Variants in DGKK observed in about 807,000 individuals in gnomAD.
DGKK encodes the protein 142 kDa diacylglycerol kinase.
A neutral mutation model predicts 92.2 loss-of-function variants in DGKK; 35 were observed. The observed-to-expected ratio is 0.38, with a 90% CI of 0.29 to 0.50. The LOEUF (loss-of-function observed/expected upper bound fraction) is 0.50. Ranked by LOEUF, DGKK falls within the 20% of genes least tolerant of loss-of-function variation. The pLI is 0.92. For missense variants in DGKK, 910 were observed against 992.2 expected, an observed-to-expected ratio of 0.92 and a Z score of 1.11; for synonymous variants, 368 against 360.6, an observed-to-expected ratio of 1.02 and a Z score of -0.23.
intron 1 of DGKK, among the ~76,000 whole-genome samples, chrX:50,466,010 CTTTTTTCTTTTTT>C (rs1359836006): frequency 1.5e-3 from 89 of 58,317 alleles, no homozygotes; most frequent in South Asian, 3.0e-3. Context: ...TTTTCTTTTT[CTTTTTTCTTTTTT>C]TTTTTTTTTT....
At chrX:50,399,084 T>C (rs1442811918) in intron 8 of DGKK, among the ~76,000 whole-genome samples, 1 of 112,294 alleles carries the variant, frequency 8.9e-6, no homozygotes, top group African/African-American at 3.2e-5. Context: ...CATGTATACC[T>C]GAGTGAAATT....
intron 13 of DGKK, 89 bp from the exon 14 acceptor site, chrX:50,387,742 C>G: frequency 1.7e-6 from 1 of 586,207 alleles, no homozygotes; most frequent in Non-Finnish European, 2.7e-6. Context: ...CATCCTCCTC[C>G]TCTCTCTCTT....
At chrX:50,414,835 A>G (rs782103857) in intron 4 of DGKK, among the ~76,000 whole-genome samples, 5 of 112,281 alleles carry the variant, frequency 4.5e-5, no homozygotes, top group Non-Finnish European at 9.4e-5. Flanking sequence ...GGATTATAGT[A>G]GCAGAACCAC....
At chrX:50,426,445 C>T (rs899525102) in intron 1 of DGKK, among the ~76,000 whole-genome samples, 7 of 112,027 alleles carry the variant, frequency 6.2e-5, no homozygotes, top group African/African-American at 2.3e-4. Flanking sequence ...ATTTGATAAG[C>T]TCTTTAATGA....
At chrX:50,384,911 G>C in intron 15 of DGKK, 87 bp from the exon 16 acceptor site, 8 of 643,885 alleles carry the variant, frequency 1.2e-5, no homozygotes, top group South Asian at 2.9e-5. Context: ...TGGAAGGAAG[G>C]AAAGATTAAT....
At chrX:50,410,734 G>A (rs1279381608) in intron 4 of DGKK, among the ~76,000 whole-genome samples, 3 of 111,635 alleles carry the variant, frequency 2.7e-5, no homozygotes, top group East Asian at 2.8e-4. Context: ...TGACTATGCC[G>A]CTTCCCCCTC....
At chrX:50,421,539 A>G (rs1925587985) in intron 3 of DGKK, among the ~76,000 whole-genome samples, 1 of 111,735 alleles carries the variant, frequency 8.9e-6, no homozygotes. Flanking sequence ...CCTAGCCTTT[A>G]TGATTTCTTT....
In DGKK at chrX:50,365,827, C is replaced by A. The variant is rs1254716145; in HGVS notation, c.*3113G>T. 1 of 111,773 alleles carries A rather than the reference C, an allele frequency of 8.9e-6. No individual in the cohort carries two copies. The highest frequency in any genetic ancestry group is 3.3e-5 in the African/African-American group (1 of 30,711). 9.2% of individuals were successfully genotyped at this position (111,773 alleles called of 1,213,427 possible). On this transcript the variant is annotated 3_prime_UTR_variant, in exon 28 of 28. Transcript: ENST00000611977. Reference sequence around the variant, plus strand: ...AAGATGACGTTGACCCTGACTGTTTCTTCTGGCCCAGTTTTATTAAGGTAA... The same window carrying A: ...AAGATGACGTTGACCCTGACTGTTTATTCTGGCCCAGTTTTATTAAGGTAA...
intron 24 of DGKK, among the ~76,000 whole-genome samples, chrX:50,375,654 C>T (rs1174771868): frequency 8.9e-6 from 1 of 111,899 alleles, no homozygotes; most frequent in Non-Finnish European, 1.9e-5. Context: ...CCGAGGCACC[C>T]GGAAGTTCTA....
In DGKK at chrX:50,366,073, G is replaced by C. The variant is rs1243831632; in HGVS notation, c.*2867C>G. 1 of 111,690 alleles carries C rather than the reference G, an allele frequency of 9.0e-6. No individual in the cohort carries two copies. Among genetic ancestry groups the C allele is most frequent in the Admixed American group, 9.5e-5 (1 of 10,515 alleles). The allele number at this position is 111,690 out of a possible 1,213,427, so 9.2% of individuals were successfully genotyped here. Reference sequence around the variant, plus strand: ...CTACCAAAGATACAACCAAACCCTAGAGCTTTGGGTCTTAATGATGTCTGA... The same window carrying C: ...CTACCAAAGATACAACCAAACCCTACAGCTTTGGGTCTTAATGATGTCTGA... On this transcript the variant is annotated 3_prime_UTR_variant, in exon 28 of 28. Coordinates refer to ENST00000611977, the MANE Select transcript of DGKK (RefSeq NM_001013742.4).
At position 50,380,091 on chromosome X, in the gene DGKK, A is replaced by G. The variant is rs1421855837; in HGVS notation, c.2658-14T>C. On this transcript the variant is annotated splice_polypyrimidine_tract_variant and intron_variant, in intron 18 of 27. Transcript: ENST00000611977. ...TTAAGGCGGCTACTACATGGAGGTA[A>G]GCATTAAGAAAGCAGAGGGTGAATG... The G allele has an allele frequency of 6.9e-6, 8 of 1,159,211 alleles. No individual in the cohort carries two copies. Among genetic ancestry groups the G allele is most frequent in the Non-Finnish European group, 9.4e-6 (8 of 849,480 alleles).
chrX:50,407,805 G>T (rs1186022896), intron 4 of DGKK, among the ~76,000 whole-genome samples: 2 of 112,143 alleles, frequency 1.8e-5, no homozygotes. Context: ...GGGTGTGTCT[G>T]GACAAACTTT....
chrX:50,392,341 C>A lies in DGKK; in HGVS notation c.1704G>T (p.Lys568Asn). 8.3e-7 allele frequency: 1 copy of A among 1,200,517 alleles called. No individual in the cohort carries two copies. The highest frequency in any genetic ancestry group is 1.8e-5 in the South Asian group (1 of 56,604). ...SLIDAFGLHE[K>N]CQLAVIPLGT... ...TAAACTGAGTCATCCAGGGACTTAC[C>A]TTTTCATGTAATCCAAAGGCATCAA... The change falls in exon 10 of 28, where the codon AAG becomes AAT. Residue 568 changes from lysine to asparagine, a missense_variant and splice_region_variant. By Grantham distance (94) the Lys-to-Asn change is moderately conservative (BLOSUM62 0). Transcript: ENST00000611977.
chrX:50,422,636 TTAC>T, intron 2 of DGKK, 110 bp from the exon 3 acceptor site: 1 of 336,221 alleles, frequency 3.0e-6, no homozygotes, highest in East Asian at 5.1e-5. Flanking sequence ...ACACACACAC[TTAC>T]TGACAGGCAT....
At chrX:50,405,931 A>G (rs1287940709) in intron 4 of DGKK, among the ~76,000 whole-genome samples, 1 of 111,790 alleles carries the variant, frequency 8.9e-6, no homozygotes, top group Non-Finnish European at 1.9e-5. Flanking sequence ...TTGTAATTCT[A>G]CAAGCATCTT....
chrX:50,384,346 C>A (rs972374720), intron 16 of DGKK, 82 bp from the exon 17 acceptor site: 23 of 644,435 alleles, frequency 3.6e-5, no homozygotes, highest in Non-Finnish European at 4.9e-5. Context: ...CCTATTTTCT[C>A]TGTGGAGGCA....
Position 50,388,612 on chromosome X carries a change from C to A in DGKK, c.1933G>T (p.Ala645Ser). ...EMDVPRFEAAAIQHLESAATE... is the reference protein window; with the variant it reads ...EMDVPRFEAASIQHLESAATE... ...GCTGCAGATTCTAAGTGTTGGATGG[C>A]AGCAGCCTAGGGGCAAAAGGAGTTC... Residue 645 changes from alanine to serine, a missense_variant, in exon 13 of 28, where the codon GCC becomes TCC. Ala to Ser is a moderately conservative substitution (Grantham distance 99). Coordinates refer to ENST00000611977, the MANE Select transcript of DGKK (RefSeq NM_001013742.4). 1 of 1,199,688 alleles carries A rather than the reference C, an allele frequency of 8.3e-7. No individual in the cohort carries two copies. The highest frequency in any genetic ancestry group is 1.1e-6 in the Non-Finnish European group (1 of 887,857).
intron 4 of DGKK, among the ~76,000 whole-genome samples, chrX:50,407,917 T>G (rs182268607): frequency 8.9e-6 from 1 of 112,385 alleles, no homozygotes; most frequent in Non-Finnish European, 1.9e-5. Flanking sequence ...AGATATGGGA[T>G]AAAATGAAGG....
At chrX:50,400,988 C>T in intron 8 of DGKK, 49 bp downstream of exon 8, 1 of 1,098,873 alleles carries the variant, frequency 9.1e-7, no homozygotes, top group South Asian at 2.0e-5. Flanking sequence ...GCCTTTGCAC[C>T]TTCCCTACAT....
Sources: allele counts gnomAD v4.1 joint callset (sites outside exome capture counted in the v4.1 genomes callset), GRCh38; gene constraint gnomAD v4.1.1; transcripts MANE v1.5; gene names NCBI Gene and HGNC (gene_info 2026-07-23, HGNC 2026-07-21).